PPHLN1: variants seen among roughly 807,000 people sequenced by gnomAD.
The protein encoded by PPHLN1 is periphilin-1.
PPHLN1 carries 29 observed loss-of-function variants against 51.3 expected under a neutral mutation model. The ratio of observed to expected loss-of-function variants is 0.57; its 90% CI spans 0.42 to 0.77. The LOEUF is 0.77. PPHLN1 is among the 30% of genes least tolerant of loss of function. The probability of loss-of-function intolerance (pLI) is 0.00; values close to 1 mark genes in which losing one functional copy is unlikely to be tolerated. For missense variants in PPHLN1, 436 were observed against 438.4 expected (o/e 0.99, Z 0.05); for synonymous variants, 147 against 147.8 (o/e 0.99, Z 0.04).
At chr12:42,381,085 A>G (rs1565886882) in intron 5 of PPHLN1, among the ~76,000 whole-genome samples, 1 of 152,184 alleles carries the variant, frequency 6.6e-6, no homozygotes, top group Non-Finnish European at 1.5e-5. Flanking sequence ...CATCATATGG[A>G]GTCCCTAAAG....
intron 9 of PPHLN1, among the ~76,000 whole-genome samples, chr12:42,418,390 T>C (rs2080664051): frequency 6.6e-6 from 1 of 152,090 alleles, no homozygotes; most frequent in Non-Finnish European, 1.5e-5. Context: ...TTTCCTGACG[T>C]GTAAACGTGT....
chr12:42,398,904 A>G lies in PPHLN1; in HGVS notation c.819A>G (p.Ser273=). The G allele has an allele frequency of 6.2e-7, 1 of 1,614,148 alleles. No individual in the cohort carries two copies. Among genetic ancestry groups the G allele is most frequent in the Non-Finnish European group, 8.5e-7 (1 of 1,179,988 alleles). Residue 273 remains serine (S), a synonymous_variant, in exon 9 of 10, where the codon TCA becomes TCG. Coordinates refer to ENST00000358314, the MANE Select transcript of PPHLN1 (RefSeq NM_201439.2). The stretch of plus-strand genomic sequence containing the variant: ...CTGACCAGCCAGAGGAACCTGAGTC[A>G]AACACAACACATGGGATAGAATTAT... ...LFTDQPEEPE[S]NTTHGIELFE... is the part of the protein sequence containing the mutation.
At chr12:42,411,640 C>G (rs1008720058) in intron 9 of PPHLN1, among the ~76,000 whole-genome samples, 11 of 152,162 alleles carry the variant, frequency 7.2e-5, no homozygotes, top group African/African-American at 2.4e-4. Context: ...CGCGGTGGCT[C>G]ATGCCTGTAA....
At chr12:42,361,850 A>G (rs189070612) in intron 4 of PPHLN1, 1 of 152,230 alleles carries the variant, frequency 6.6e-6, no homozygotes, top group Admixed American at 6.5e-5. Flanking sequence ...TGGCCTACGA[A>G]TACCTCTTTT....
chr12:42,399,197 TA>T (rs1441443450), intron 9 of PPHLN1: 7 of 1,222,678 alleles, frequency 5.7e-6, no homozygotes, highest in African/African-American at 1.5e-5. Flanking sequence ...TATTTTTAAA[TA>T]AAAAACAGAC....
At chr12:42,442,939 G>C, downstream of PPHLN1, 1 of 832,438 alleles carries the variant, frequency 1.2e-6, no homozygotes, top group Non-Finnish European at 1.7e-6. Context: ...CATAACCCAT[G>C]GTCCCCAGAA....
intron 9 of PPHLN1, among the ~76,000 whole-genome samples, chr12:42,436,715 A>G (rs2082517272): frequency 6.6e-6 from 1 of 152,142 alleles, no homozygotes; most frequent in Non-Finnish European, 1.5e-5. Context: ...GACAACTGAG[A>G]GGGCTACTAA....
intron 7 of PPHLN1, among the ~76,000 whole-genome samples, chr12:42,391,519 C>T (rs1473915978): frequency 6.6e-6 from 1 of 152,164 alleles, no homozygotes; most frequent in Non-Finnish European, 1.5e-5. Flanking sequence ...GCTGGGATTA[C>T]AGGTATGAGC....
intron 4 of PPHLN1, chr12:42,361,563 T>C (rs2074690394): frequency 6.6e-6 from 1 of 152,254 alleles, no homozygotes; most frequent in Non-Finnish European, 1.5e-5. Context: ...AATTCATTGC[T>C]GTCACTATTT....
At chr12:42,347,667 C>T (rs1162614165) in intron 2 of PPHLN1, among the ~76,000 whole-genome samples, 1 of 151,988 alleles carries the variant, frequency 6.6e-6, no homozygotes, top group East Asian at 1.9e-4. Flanking sequence ...GTAATCCCAA[C>T]TACTCGGGAG....
At chr12:42,385,029 G>A in intron 6 of PPHLN1, 33 bp downstream of exon 6, 1 of 1,556,524 alleles carries the variant, frequency 6.4e-7, no homozygotes, top group Non-Finnish European at 8.9e-7. Context: ...ATTTGGGATT[G>A]TGAAGGGGTG....
downstream of PPHLN1, chr12:42,442,577 C>A: frequency 1.2e-6 from 2 of 1,605,240 alleles, no homozygotes; most frequent in Non-Finnish European, 1.7e-6. Context: ...GCCGGCAGTC[C>A]CCTAGCCATT....
chr12:42,327,019 C>G (rs1194734938), intron 1 of PPHLN1, among the ~76,000 whole-genome samples: 1 of 152,206 alleles, frequency 6.6e-6, no homozygotes, highest in African/African-American at 2.4e-5. Flanking sequence ...CTGAATGCCT[C>G]CGTGGCCGAC....
intron 9 of PPHLN1, among the ~76,000 whole-genome samples, chr12:42,426,207 CACACACACACACACACACACA>C (rs952167911): frequency 2.1e-4 from 32 of 150,422 alleles, no homozygotes; most frequent in African/African-American, 7.6e-4. Context: ...CACACACACA[CACACACACACACACACACACA>C]CCCTCATGCA....
chr12:42,448,539 C>T (rs897826421), downstream of PPHLN1: 1 of 152,062 alleles, frequency 6.6e-6, no homozygotes, highest in African/African-American at 2.4e-5. Context: ...CATATAAAGC[C>T]TTGGTTATCA....
chr12:42,367,179 G>A (rs546564088), intron 4 of PPHLN1, among the ~76,000 whole-genome samples: 1 of 152,130 alleles, frequency 6.6e-6, no homozygotes, highest in African/African-American at 2.4e-5. Flanking sequence ...CCACTAATCC[G>A]TAAATGAGAA....
chr12:42,354,189 A>G (rs1287502018), intron 3 of PPHLN1, among the ~76,000 whole-genome samples: 1 of 152,144 alleles, frequency 6.6e-6, no homozygotes, highest in East Asian at 1.9e-4. Flanking sequence ...CTGATACGTA[A>G]TTTGCATATT....
chr12:42,346,419 T>G (rs1279681635), intron 2 of PPHLN1, among the ~76,000 whole-genome samples: 1 of 152,212 alleles, frequency 6.6e-6, no homozygotes, highest in Non-Finnish European at 1.5e-5. Flanking sequence ...AGTATCTCCC[T>G]CTTTTTATAA....
At chr12:42,388,382 T>A (rs1398264749) in intron 7 of PPHLN1, among the ~76,000 whole-genome samples, 1 of 152,204 alleles carries the variant, frequency 6.6e-6, no homozygotes, top group African/African-American at 2.4e-5. Flanking sequence ...AACATAAATC[T>A]GGCCTACTTG....
Sources: gnomAD v4.1 joint callset for allele counts (sites outside exome capture counted in the v4.1 genomes callset) on GRCh38, gnomAD v4.1.1 for gene constraint, MANE v1.5 for transcripts, NCBI Gene and HGNC (gene_info 2026-07-23, HGNC 2026-07-21) for gene names.